Variants in FOXRED2 observed in about 807,000 individuals in gnomAD.
The protein encoded by FOXRED2 is FAD-dependent oxidoreductase domain-containing protein 2.
Under a neutral mutation model 52.5 loss-of-function variants are expected in FOXRED2, and 32 were observed. The observed-to-expected ratio is 0.61, with a 90% CI of 0.46 to 0.82. The LOEUF (loss-of-function observed/expected upper bound fraction) is 0.82. Among genes scored for constraint, FOXRED2 ranks in the 40% least tolerant of loss-of-function variants. The pLI is 0.00. For missense variants in FOXRED2, 848 were observed against 937.5 expected (o/e 0.90, Z 1.25); for synonymous variants, 405 against 398.1 (o/e 1.02, Z -0.21).
chr22:36,497,035 C>T (rs1933917798), intron 6 of FOXRED2, among the ~76,000 whole-genome samples: 1 of 152,136 alleles, frequency 6.6e-6, no homozygotes, highest in Non-Finnish European at 1.5e-5. Flanking sequence ...ACAAAATTAG[C>T]CAGGTGTGGT....
rs113527747 is a variant in FOXRED2 at position 36,499,528 on chromosome 22, A to G, written c.1217-1372T>C. Among the ~76,000 whole-genome samples the G allele has an allele frequency of 8.0e-3, 1,216 of 152,244 alleles. 13 individuals carry two copies. The highest frequency in any genetic ancestry group is 0.028 in the African/African-American group (1,164 of 41,532). On this transcript the variant is annotated intron_variant, in intron 5 of 8. Coordinates refer to ENST00000397224, the MANE Select transcript of FOXRED2 (RefSeq NM_001102371.2). ...GAAGTCCCAGCCACTCAGAAGGCTG[A>G]GGTGGGAGGATGGCTTGAGTCTGGG...
rs767966103 is a variant in FOXRED2, at chr22:36,496,058, G to A, written c.1533C>T (p.Phe511=). Reference sequence around the variant, plus strand: ...TGTGCCCCACAGACCGGTCATCAAAGAAGACGTCCTTGTCGGGGCCAGAGA... The same window carrying A: ...TGTGCCCCACAGACCGGTCATCAAAAAAGACGTCCTTGTCGGGGCCAGAGA... ...RNFSGPDKDV[F]FDDRSVGHTE... Residue 511 remains phenylalanine, a synonymous_variant, in exon 7 of 9, where the codon TTC becomes TTT. Coordinates refer to ENST00000397224, the MANE Select transcript of FOXRED2 (RefSeq NM_001102371.2). 5 of 1,614,266 alleles carry A rather than the reference G, an allele frequency of 3.1e-6. No homozygotes were observed. Among genetic ancestry groups the A allele is most frequent in the Non-Finnish European group, 4.2e-6 (5 of 1,180,048 alleles).
chr22:36,490,038 C>A lies in FOXRED2; in HGVS notation c.2025G>T (p.Gln675His). Reference protein sequence around the residue: ...GSPLAPGPLAQSVDSNKEEL With the variant: ...GSPLAPGPLAHSVDSNKEEL ...GCTCCTCTTTGTTGCTATCGACGGA[C>A]TGAGCCAGAGGCCCTGGAGCCAGGG... The change falls in exon 9 of 9, where the codon CAG becomes CAT. Residue 675 changes from glutamine to histidine, a missense_variant. By Grantham distance (24) the Gln-to-His change is conservative. Transcript: ENST00000397224. The A allele has an allele frequency of 6.2e-7, 1 of 1,603,804 alleles. No homozygotes were observed. Among genetic ancestry groups the A allele is most frequent in the South Asian group, 1.1e-5 (1 of 90,492 alleles).
chr22:36,502,126 G>A (rs1159220049), intron 4 of FOXRED2, among the ~76,000 whole-genome samples: 2 of 152,010 alleles, frequency 1.3e-5, no homozygotes, highest in African/African-American at 4.8e-5. Flanking sequence ...CCGAGATTAT[G>A]CCATTGCACT....
At chr22:36,501,482 T>C (rs1934046631) in intron 4 of FOXRED2, 75 bp from the exon 5 acceptor site, 4 of 1,481,924 alleles carry the variant, frequency 2.7e-6, no homozygotes, top group Admixed American at 3.5e-5. Flanking sequence ...AGTTTTGAGA[T>C]GGAGTTTCGC....
In FOXRED2 at chr22:36,498,115, C is replaced by T. The variant is rs115859277; in HGVS notation, c.1258G>A (p.Val420Ile). The change falls in exon 6 of 9, where the codon GTC becomes ATC. Residue 420 changes from valine (V) to isoleucine (I), a missense_variant. Transcript: ENST00000397224. ...HRLLEHRHHS[V>I]TWPATELPIT... ...GGGAGCTCAGTGGCGGGCCAGGTGA[C>T]GCTGTGGTGGCGGTGCTCCAGGAGC... is the stretch of plus-strand genomic sequence containing the variant. 5.9e-4 allele frequency: 955 copies of T among 1,612,810 alleles called. 4 individuals are homozygous for T. In the African/African-American group the frequency reaches 0.011, roughly 19 times the overall value.
chr22:36,506,671 G>C, intron 1 of FOXRED2: 1 of 447,836 alleles, frequency 2.2e-6, no homozygotes, highest in Non-Finnish European at 3.9e-6. Flanking sequence ...CCGGCTCCCC[G>C]CTTATGATTG....
In FOXRED2 at chr22:36,498,011, G is replaced by A. The variant is rs142864598; in HGVS notation, c.1362C>T (p.Ala454=). The part of the protein sequence containing the change: ...SGLYQMFGVL[A]DVILLKENST... Reference sequence around the variant, plus strand: ...CTCACTCCTTCAACAGGATGACATCGGCCAGCACACCGAACATCTGGTAGA... The same window carrying A: ...CTCACTCCTTCAACAGGATGACATCAGCCAGCACACCGAACATCTGGTAGA... The change falls in exon 6 of 9, where the codon GCC becomes GCT. Residue 454 remains alanine (A), a synonymous_variant. Transcript: ENST00000397224. 1.1e-5 allele frequency: 17 copies of A among 1,613,840 alleles called. No individual in the cohort carries two copies. The highest frequency in any genetic ancestry group is 9.3e-5 in the African/African-American group (7 of 74,896).
chr22:36,493,564 T>TCTTGG (rs897626889), intron 8 of FOXRED2, 69 bp downstream of exon 8: 10 of 1,404,970 alleles, frequency 7.1e-6, no homozygotes, highest in African/African-American at 2.8e-5. Context: ...ACTCCACGGG[T>TCTTGG]CTTGGGTCTC....
chr22:36,496,254 G>GCTCAC, intron 6 of FOXRED2, 46 bp from the exon 7 acceptor site: 1 of 1,609,400 alleles, frequency 6.2e-7, no homozygotes, highest in Non-Finnish European at 8.5e-7. Context: ...CTGTGGCAGA[G>GCTCAC]GTGAGGGGTG....
chr22:36,504,416 C>G, intron 3 of FOXRED2, 49 bp from the exon 4 acceptor site: 1 of 1,609,250 alleles, frequency 6.2e-7, no homozygotes. Flanking sequence ...GAAAGCTGGG[C>G]AGTGCAGCTG....
At chr22:36,502,906 C>T (rs1934093899) in intron 4 of FOXRED2, among the ~76,000 whole-genome samples, 1 of 151,964 alleles carries the variant, frequency 6.6e-6, no homozygotes, top group African/African-American at 2.4e-5. Context: ...ATTGGTCAGG[C>T]TGGTCTTGAA....
intron 4 of FOXRED2, among the ~76,000 whole-genome samples, chr22:36,502,111 G>A (rs1443010955): frequency 6.6e-6 from 1 of 152,108 alleles, no homozygotes; most frequent in Non-Finnish European, 1.5e-5. Flanking sequence ...AGAGGTTGCA[G>A]TGAGCCGAGA....
At chr22:36,494,225 T>C (rs1321409991) in intron 7 of FOXRED2, among the ~76,000 whole-genome samples, 1 of 152,196 alleles carries the variant, frequency 6.6e-6, no homozygotes, top group Non-Finnish European at 1.5e-5. Flanking sequence ...CAAGCGATTC[T>C]TGTGCCTCTG....
At position 36,488,405 on chromosome 22, in the gene FOXRED2, T is replaced by C. The variant is rs189049632; in HGVS notation, c.*1603A>G. ...TCCCAAGTAGCTGGGATGACAGGCA[T>C]GCTCCACCATGCCCAGCTAATTTTT... On this transcript the variant is annotated 3_prime_UTR_variant, in exon 9 of 9. Coordinates refer to ENST00000397224, the MANE Select transcript of FOXRED2 (RefSeq NM_001102371.2). The C allele has an allele frequency of 5.3e-5, 8 of 149,588 alleles. No homozygotes were observed. In the East Asian group the frequency reaches 1.6e-3, roughly 30 times the overall value. The allele number at this position is 149,588 out of a possible 1,614,324, so 9.3% of individuals were successfully genotyped here. A position where few individuals can be genotyped will look rare whatever the true frequency, so the allele number is the denominator to read the frequency against.
intron 6 of FOXRED2, among the ~76,000 whole-genome samples, chr22:36,496,789 C>T (rs192870775): frequency 7.2e-5 from 11 of 152,216 alleles, no homozygotes; most frequent in Non-Finnish European, 1.2e-4. Flanking sequence ...TGATCGGGAC[C>T]GAGGTGGTGG....
chr22:36,496,091 G>C lies in FOXRED2; in HGVS notation c.1500C>G (p.Gly500=). 1 of 1,614,244 alleles carries C rather than the reference G, an allele frequency of 6.2e-7. No individual in the cohort carries two copies. Among genetic ancestry groups the C allele is most frequent in the South Asian group, 1.1e-5 (1 of 91,088 alleles). The change falls in exon 7 of 9, where the codon GGC becomes GGG. Residue 500 remains glycine, a synonymous_variant. Coordinates refer to ENST00000397224, the MANE Select transcript of FOXRED2 (RefSeq NM_001102371.2). ...HGLFVINMEY[G]RNFSGPDKDV... is the part of the protein sequence containing the mutation. The stretch of plus-strand genomic sequence containing the variant: ...CCTTGTCGGGGCCAGAGAAATTTCT[G>C]CCATATTCCATGTTGATGACGAAGA...
rs770517438 is a variant in FOXRED2 at position 36,496,033 on chromosome 22, T to A, written c.1558A>T (p.Thr520Ser). The change falls in exon 7 of 9, where the codon ACA becomes TCA. Residue 520 changes from threonine (T) to serine (S), a missense_variant. By Grantham distance (58) the Thr-to-Ser change is moderately conservative. Coordinates refer to ENST00000397224, the MANE Select transcript of FOXRED2 (RefSeq NM_001102371.2). Reference protein sequence around the residue: ...VFFDDRSVGHTEDAWQSNFLH... With the variant: ...VFFDDRSVGHSEDAWQSNFLH... ...AAGTTAGACTGCCAGGCATCTTCTGTGTGCCCCACAGACCGGTCATCAAAG... is the reference window on the plus strand; with the variant it reads ...AAGTTAGACTGCCAGGCATCTTCTGAGTGCCCCACAGACCGGTCATCAAAG... The A allele has an allele frequency of 6.2e-7, 1 of 1,614,234 alleles. No homozygotes were observed. Among genetic ancestry groups the A allele is most frequent in the Non-Finnish European group, 8.5e-7 (1 of 1,180,036 alleles).
intron 7 of FOXRED2, among the ~76,000 whole-genome samples, chr22:36,495,270 C>A (rs527514777): frequency 2.6e-5 from 4 of 152,182 alleles, no homozygotes; most frequent in African/African-American, 9.6e-5. Flanking sequence ...CTTAGTGCCT[C>A]CTTATACTGA....
Sources: gnomAD v4.1 joint callset for allele counts (sites outside exome capture counted in the v4.1 genomes callset) on GRCh38, gnomAD v4.1.1 for gene constraint, MANE v1.5 for transcripts, NCBI Gene and HGNC (gene_info 2026-07-23, HGNC 2026-07-21) for gene names.